DLGAP1: variants seen among roughly 807,000 people sequenced by gnomAD.
The protein encoded by DLGAP1 is DLG associated protein 1.
DLGAP1 carries 11 observed loss-of-function variants against 90.8 expected under a neutral mutation model. That is an observed-to-expected ratio of 0.12 (90% CI 0.08 to 0.20). The LOEUF (loss-of-function observed/expected upper bound fraction) is 0.20. DLGAP1 is among the 10% of genes least tolerant of loss of function. DLGAP1 has a pLI of 1.00. For missense variants in DLGAP1, 1,050 were observed against 1,333.8 expected (o/e 0.79, Z 3.31); for synonymous variants, 558 against 540.7 (o/e 1.03, Z -0.44).
At chr18:4,162,694 C>T (rs1172283213) in intron 1 of DLGAP1, among the ~76,000 whole-genome samples, 1 of 152,128 alleles carries the variant, frequency 6.6e-6, no homozygotes, top group Admixed American at 6.5e-5. Flanking sequence ...CATATATCTT[C>T]TTCTTGCCAA....
intron 4 of DLGAP1, among the ~76,000 whole-genome samples, chr18:3,873,093 T>G (rs760328757): frequency 2.0e-5 from 3 of 152,216 alleles, no homozygotes; most frequent in Non-Finnish European, 2.9e-5. Context: ...CCTATATATT[T>G]TTGATCTTCC....
intron 1 of DLGAP1, among the ~76,000 whole-genome samples, chr18:4,370,243 A>G (rs904644837): frequency 5.3e-5 from 8 of 152,218 alleles, no homozygotes; most frequent in African/African-American, 1.9e-4. Context: ...ATGTAGACAG[A>G]AAAACAGATC....
intron 9 of DLGAP1, among the ~76,000 whole-genome samples, chr18:3,552,444 A>T (rs1040841807): frequency 6.6e-6 from 1 of 152,072 alleles, no homozygotes; most frequent in African/African-American, 2.4e-5. Flanking sequence ...TCATCTTGCA[A>T]AATCCCGGAT....
chr18:3,910,000 A>G (rs537727788), intron 3 of DLGAP1, among the ~76,000 whole-genome samples: 2 of 152,126 alleles, frequency 1.3e-5, no homozygotes, highest in East Asian at 3.9e-4. Flanking sequence ...TATGGGTTCA[A>G]TGAGAAGTTC....
At chr18:3,620,459 G>A (rs1201170800) in intron 7 of DLGAP1, among the ~76,000 whole-genome samples, 1 of 152,124 alleles carries the variant, frequency 6.6e-6, no homozygotes, top group African/African-American at 2.4e-5. Flanking sequence ...AAGCCACTCC[G>A]CTTGTGGGTG....
intron 7 of DLGAP1, chr18:3,603,385 T>C (rs2057169531): frequency 6.6e-6 from 1 of 152,062 alleles, no homozygotes; most frequent in Non-Finnish European, 1.5e-5. Flanking sequence ...TGTGTTTGTC[T>C]TTCTCCTTGG....
chr18:4,209,136 T>A (rs2077787274), intron 1 of DLGAP1, among the ~76,000 whole-genome samples: 1 of 152,148 alleles, frequency 6.6e-6, no homozygotes, highest in South Asian at 2.1e-4. Flanking sequence ...GGGAATAATG[T>A]AGCTTCTACA....
chr18:3,614,311 G>T (rs997423554), intron 7 of DLGAP1, among the ~76,000 whole-genome samples: 2 of 152,162 alleles, frequency 1.3e-5, no homozygotes, highest in African/African-American at 2.4e-5. Context: ...GGCCAATATT[G>T]AACTGGGGTT....
intron 7 of DLGAP1, among the ~76,000 whole-genome samples, chr18:3,709,074 A>C (rs1054871960): frequency 6.6e-6 from 1 of 152,240 alleles, no homozygotes; most frequent in Non-Finnish European, 1.5e-5. Flanking sequence ...TATATGCCAG[A>C]TACTGGTTAT....
intron 1 of DLGAP1, among the ~76,000 whole-genome samples, chr18:4,324,769 A>G (rs940957307): frequency 3.1e-4 from 13 of 41,566 alleles, no homozygotes; most frequent in South Asian, 5.5e-4. Context: ...CAAAAACCAC[A>G]TGATTACCTT....
At chr18:4,198,302 G>A (rs1315580402) in intron 1 of DLGAP1, among the ~76,000 whole-genome samples, 1 of 152,066 alleles carries the variant, frequency 6.6e-6, no homozygotes, top group African/African-American at 2.4e-5. Flanking sequence ...AGATGGTCAT[G>A]GCCTATTTGA....
chr18:3,552,978 T>G (rs1377581461), intron 9 of DLGAP1, among the ~76,000 whole-genome samples: 2 of 149,900 alleles, frequency 1.3e-5, no homozygotes, highest in African/African-American at 2.4e-5. Flanking sequence ...TTTTTTTTTC[T>G]CTCTTGTTCT....
chr18:3,547,136 C>G (rs551088190), intron 9 of DLGAP1, among the ~76,000 whole-genome samples: 1 of 151,824 alleles, frequency 6.6e-6, no homozygotes, highest in Admixed American at 6.6e-5. Flanking sequence ...CCCGTCTCTA[C>G]TAAAAATACA....
intron 1 of DLGAP1, among the ~76,000 whole-genome samples, chr18:4,174,018 C>A (rs1023542266): frequency 6.6e-6 from 1 of 152,138 alleles, no homozygotes; most frequent in African/African-American, 2.4e-5. Flanking sequence ...TCACCTCCCA[C>A]GCTAAAAATT....
intron 5 of DLGAP1, among the ~76,000 whole-genome samples, chr18:3,782,381 C>T (rs1318779886): frequency 6.6e-6 from 1 of 152,216 alleles, no homozygotes; most frequent in Non-Finnish European, 1.5e-5. Context: ...AAGTGATCCG[C>T]CTGTCTTGGC....
chr18:4,138,056 T>C (rs2076435770), intron 2 of DLGAP1, among the ~76,000 whole-genome samples: 1 of 152,086 alleles, frequency 6.6e-6, no homozygotes, highest in African/African-American at 2.4e-5. Context: ...TCTGCAAACA[T>C]AGATAATTTG....
chr18:3,783,777 T>C, intron 5 of DLGAP1, among the ~76,000 whole-genome samples: 1 of 152,208 alleles, frequency 6.6e-6, no homozygotes, highest in Non-Finnish European at 1.5e-5. Context: ...ATGTGCATTA[T>C]ATCTAAATAA....
At chr18:3,535,023 C>A (rs2052262385) in intron 9 of DLGAP1, among the ~76,000 whole-genome samples, 1 of 151,232 alleles carries the variant, frequency 6.6e-6, no homozygotes, top group Non-Finnish European at 1.5e-5. Flanking sequence ...CTACTTTCTA[C>A]TTTACTTGGC....
chr18:4,119,353 C>T (rs1167051175), intron 2 of DLGAP1, among the ~76,000 whole-genome samples: 1 of 152,162 alleles, frequency 6.6e-6, no homozygotes, highest in Non-Finnish European at 1.5e-5. Context: ...CTCAGCCTTC[C>T]AAAGTGCTGG....
Sources: allele counts gnomAD v4.1 joint callset (sites outside exome capture counted in the v4.1 genomes callset), GRCh38; gene constraint gnomAD v4.1.1; transcripts MANE v1.5; gene names NCBI Gene and HGNC (gene_info 2026-07-23, HGNC 2026-07-21).